The following AHRR variants were observed in gnomAD, a reference collection of about 807,000 sequenced individuals.
AHRR encodes aryl hydrocarbon receptor repressor.
Under a neutral mutation model 44.0 loss-of-function variants are expected in AHRR, and 28 were observed. The ratio of observed to expected loss-of-function variants is 0.64; its 90% CI spans 0.47 to 0.87. The LOEUF (loss-of-function observed/expected upper bound fraction) is 0.87, where lower values mean the gene tolerates loss of function less well. Among genes scored for constraint, AHRR ranks in the 40% least tolerant of loss-of-function variants. AHRR has a pLI of 0.00. For synonymous variants in AHRR, 434 were observed against 407.0 expected (o/e 1.07, Z -0.80); for missense variants, 990 against 953.9 (o/e 1.04, Z -0.50).
At chr5:371,602 C>A (rs971251994) in intron 3 of AHRR, among the ~76,000 whole-genome samples, 4 of 152,168 alleles carry the variant, frequency 2.6e-5, no homozygotes, top group African/African-American at 4.8e-5. Flanking sequence ...TCTGGGCCCA[C>A]CTGTCCTAGA....
intron 3 of AHRR, among the ~76,000 whole-genome samples, chr5:374,400 A>G (rs1248726714): frequency 1.3e-5 from 2 of 152,188 alleles, no homozygotes; most frequent in Non-Finnish European, 2.9e-5. Flanking sequence ...GAACACGCGT[A>G]TTGTGTGAAC....
At chr5:365,417 AAAG>A (rs1468228911) in intron 3 of AHRR, among the ~76,000 whole-genome samples, 1 of 152,208 alleles carries the variant, frequency 6.6e-6, no homozygotes, top group African/African-American at 2.4e-5. Context: ...TCAAAGAAGA[AAAG>A]AAGATGTAAT....
chr5:433,754 T>C, intron 10 of AHRR, 99 bp from the exon 11 acceptor site: 1 of 1,302,760 alleles, frequency 7.7e-7, no homozygotes, highest in Non-Finnish European at 1.0e-6. Flanking sequence ...AGATTTAGCA[T>C]CGTCCTGATT....
rs1743545294 is a variant in AHRR at position 370,663 on chromosome 5, T to C, written c.245-5947T>C. ...GAAGGTGTGGGTGATGGGGGGACAG[T>C]CCATGGGAAGGCACAGGTGATGGGG... On this transcript the variant is annotated intron_variant, in intron 3 of 10. Coordinates refer to ENST00000684583, the MANE Select transcript of AHRR (RefSeq NM_001377236.1). This position sits in a 1 kb window ranked among gnomAD's most constrained non-coding sequence, Gnocchi z 4.5. 6.9e-6 allele frequency among the ~76,000 whole-genome samples: 1 copy of C among 145,804 alleles called. No individual in the cohort carries two copies.
At chr5:421,209 A>T (rs1300088985) in intron 5 of AHRR, 1 of 675,744 alleles carries the variant, frequency 1.5e-6, no homozygotes, top group East Asian at 2.9e-5. Flanking sequence ...TTGCGGACCC[A>T]GCGGCCTCCT....
chr5:409,029 T>G (rs1381916409), intron 4 of AHRR, among the ~76,000 whole-genome samples: 1 of 152,242 alleles, frequency 6.6e-6, no homozygotes, highest in African/African-American at 2.4e-5. Flanking sequence ...CTTTCTGATA[T>G]TTATTACTGT....
At chr5:409,996 G>A (rs1047975343) in intron 4 of AHRR, among the ~76,000 whole-genome samples, 1 of 152,160 alleles carries the variant, frequency 6.6e-6, no homozygotes, top group African/African-American at 2.4e-5. Context: ...ATCTCCAGCT[G>A]TCCCAGCCAC....
intron 4 of AHRR, among the ~76,000 whole-genome samples, chr5:400,330 A>G (rs2672750): frequency 0.33 from 50,322 of 151,878 alleles, 12,423 homozygotes; most frequent in African/African-American, 0.7. Context: ...CGTTTGCCCC[A>G]TTCCCTGCGG....
At position 344,082 on chromosome 5, in the gene AHRR, G is replaced by T. The variant is rs1269587208; in HGVS notation, c.62+118G>T. 1.4e-5 allele frequency: 15 copies of T among 1,099,736 alleles called. No individual in the cohort carries two copies. The Admixed American group carries it at 3.6e-4, about 26-fold the overall frequency. The allele number at this position is 1,099,736 out of a possible 1,614,324, so 68.1% of individuals were successfully genotyped here. On this transcript the variant is annotated intron_variant, in intron 2 of 10. Transcript: ENST00000684583. ...GCGAGCGAGGAAGGCTTCGGGAGCC[G>T]GGCGGGCCGGGGCTGAGCTCCGGCG...
intron 2 of AHRR, among the ~76,000 whole-genome samples, chr5:353,451 G>A (rs1258578264): frequency 6.6e-6 from 1 of 152,176 alleles, no homozygotes; most frequent in African/African-American, 2.4e-5. Flanking sequence ...GCAGCTGGGG[G>A]CCGTGCCCTG....
intron 2 of AHRR, among the ~76,000 whole-genome samples, chr5:346,795 C>T (rs1415371529): frequency 6.6e-6 from 1 of 152,220 alleles, no homozygotes; most frequent in Non-Finnish European, 1.5e-5. Context: ...CCCGCGGGAC[C>T]TGGGGACCTG....
intron 5 of AHRR, among the ~76,000 whole-genome samples, chr5:421,580 T>C (rs534580460): frequency 6.6e-6 from 1 of 152,368 alleles, no homozygotes; most frequent in Non-Finnish European, 1.5e-5. Context: ...GAAGGCACCA[T>C]GGCAGAGCCG....
intron 6 of AHRR, 26 bp from the exon 7 acceptor site, chr5:423,815 C>T (rs377631576): frequency 5.3e-5 from 84 of 1,573,150 alleles, no homozygotes; most frequent in East Asian, 9.0e-5. Context: ...CCCACCGCCA[C>T]GCCCCTTGGC....
At chr5:325,331 T>C (rs1202739436) in intron 1 of AHRR, among the ~76,000 whole-genome samples, 2 of 151,990 alleles carry the variant, frequency 1.3e-5, no homozygotes, top group African/African-American at 4.8e-5. Flanking sequence ...CCTCAAGGGG[T>C]GGTCGAGTGG....
chr5:434,283 G>T lies in AHRR; in HGVS notation c.1543G>T (p.Val515Leu). ...CATGGAGGACATGAAGCTGCAAGGT[G>T]TACCGATGCCTCCGGGGGACCTGTG... ...YPMEDMKLQG[V>L]PMPPGDLCGP... is the part of the protein sequence containing the mutation. Residue 515 changes from valine to leucine, a missense_variant, in exon 11 of 11, where the codon GTA becomes TTA. Val to Leu is a conservative substitution (Grantham distance 32). Transcript: ENST00000684583. 6.2e-7 allele frequency: 1 copy of T among 1,607,256 alleles called. No homozygotes were observed. Among genetic ancestry groups the T allele is most frequent in the Non-Finnish European group, 8.5e-7 (1 of 1,176,618 alleles).
chr5:432,434 T>G, intron 8 of AHRR, 29 bp from the exon 9 acceptor site: 1 of 1,608,766 alleles, frequency 6.2e-7, no homozygotes, highest in Non-Finnish European at 8.5e-7. Flanking sequence ...ATCCGTCACA[T>G]GTCACATGTT....
rs1445110807 is a variant in AHRR at position 419,446 on chromosome 5, C to T, written c.442-3283C>T. 2.0e-5 allele frequency among the ~76,000 whole-genome samples: 3 copies of T among 152,234 alleles called. No individual in the cohort carries two copies. Among genetic ancestry groups the T allele is most frequent in the East Asian group, 1.9e-4 (1 of 5,176 alleles). On this transcript the variant is annotated intron_variant, in intron 5 of 10. Transcript: ENST00000684583. This position sits in a 1 kb window ranked among gnomAD's most constrained non-coding sequence, Gnocchi z 4.4. ...CCTCCTAAAGTGCTGGGATTACAGG[C>T]GTGAACCACTGTGCCCGGCTGAGAG...
chr5:427,953 C>T lies in AHRR; in HGVS notation c.855C>T (p.Ser285=). The part of the protein sequence containing the change: ...LPSAAEMKMR[S]ALLRAKPRAD... ...CCGCAGCGGAGATGAAAATGAGGAGCGCGCTCCTGAGGGCAAAACCCAGAG... is the reference window on the plus strand; with the variant it reads ...CCGCAGCGGAGATGAAAATGAGGAGTGCGCTCCTGAGGGCAAAACCCAGAG... The change falls in exon 8 of 11, where the codon AGC becomes AGT. Residue 285 remains serine, a synonymous_variant. Coordinates refer to ENST00000684583, the MANE Select transcript of AHRR (RefSeq NM_001377236.1). 4.3e-6 allele frequency: 7 copies of T among 1,614,026 alleles called. No homozygotes were observed. The highest frequency in any genetic ancestry group is 1.1e-5 in the South Asian group (1 of 91,078).
chr5:322,461 C>G (rs1490926631), intron 1 of AHRR: 1 of 152,092 alleles, frequency 6.6e-6, no homozygotes. Flanking sequence ...CGGGCCTGTC[C>G]GGCTGTGGCC....
Sources: allele counts gnomAD v4.1 joint callset (sites outside exome capture counted in the v4.1 genomes callset), GRCh38; gene constraint gnomAD v4.1.1; non-coding constraint Gnocchi (gnomAD v3.1); transcripts MANE v1.5; gene names NCBI Gene and HGNC (gene_info 2026-07-23, HGNC 2026-07-21).